The following FAM222B variants were observed in gnomAD, a reference collection of about 807,000 sequenced individuals.
The protein encoded by FAM222B is protein FAM222B.
A neutral mutation model predicts 38.0 loss-of-function variants in FAM222B; 12 were observed. The observed-to-expected ratio is 0.32, with a 90% CI of 0.20 to 0.51. The LOEUF is 0.51. FAM222B is among the 20% of genes least tolerant of loss of function. FAM222B has a pLI of 0.97. For missense variants in FAM222B, 716 were observed against 754.2 expected (o/e 0.95, Z 0.59); for synonymous variants, 329 against 317.2 (o/e 1.04, Z -0.40).
chr17:28,819,109 T>C (rs1386892168), intron 1 of FAM222B, among the ~76,000 whole-genome samples: 1 of 152,244 alleles, frequency 6.6e-6, no homozygotes, highest in African/African-American at 2.4e-5. Flanking sequence ...GGAGCTTTTC[T>C]ATGCATCTTT....
At chr17:28,849,364 G>T (rs1336510108) in intron 1 of FAM222B, 1 of 152,028 alleles carries the variant, frequency 6.6e-6, no homozygotes. Context: ...GAGTAGAGTT[G>T]TTTTTTTTAA....
chr17:28,771,379 C>T (rs2035624333), intron 1 of FAM222B, among the ~76,000 whole-genome samples: 1 of 152,104 alleles, frequency 6.6e-6, no homozygotes, highest in Admixed American at 6.6e-5. Context: ...TATTTTGCAA[C>T]ATATATAAAA....
chr17:28,835,571 T>C (rs779940314), intron 1 of FAM222B, among the ~76,000 whole-genome samples: 13 of 152,356 alleles, frequency 8.5e-5, no homozygotes, highest in South Asian at 4.1e-4. Flanking sequence ...TTGATACTTA[T>C]GTTGTTTCTA....
In FAM222B at chr17:28,758,651, G is replaced by A. The variant is rs776522492; in HGVS notation, c.1308C>T (p.Asn436=). The part of the protein sequence containing the change: ...LEKPTPSPPV[N]GMAAPLAYPN... ...GGTAGGCCAATGGGGCTGCCATGCC[G>A]TTGACTGGTGGGGATGGGGTCGGCT... Residue 436 remains asparagine (N), a synonymous_variant, in exon 3 of 3, where the codon AAC becomes AAT. Coordinates refer to ENST00000581407, the MANE Select transcript of FAM222B (RefSeq NM_001077498.3). 2.0e-5 allele frequency: 33 copies of A among 1,610,134 alleles called. No individual in the cohort carries two copies. Among genetic ancestry groups the A allele is most frequent in the East Asian group, 8.9e-5 (4 of 44,802 alleles).
intron 1 of FAM222B, among the ~76,000 whole-genome samples, chr17:28,790,061 T>C (rs2036595029): frequency 1.3e-5 from 2 of 152,344 alleles, no homozygotes; most frequent in African/African-American, 4.8e-5. Context: ...TGGGCATTTT[T>C]ATGATTAAAC....
chr17:28,826,074 T>TG (rs2038429941), intron 1 of FAM222B, among the ~76,000 whole-genome samples: 1 of 147,732 alleles, frequency 6.8e-6, no homozygotes, highest in Non-Finnish European at 1.5e-5. Context: ...AACTGTTTTT[T>TG]TTGTTGTTTT....
chr17:28,812,711 G>A (rs2037842748), intron 1 of FAM222B, among the ~76,000 whole-genome samples: 1 of 151,840 alleles, frequency 6.6e-6, no homozygotes, highest in South Asian at 2.1e-4. Flanking sequence ...TCCCGTAGCT[G>A]GGCCAGGTGA....
In FAM222B at chr17:28,759,651, G is replaced by T. The variant is rs1184778970; in HGVS notation, c.308C>A (p.Ala103Asp). 6.2e-7 allele frequency: 1 copy of T among 1,613,206 alleles called. No individual in the cohort carries two copies. Among genetic ancestry groups the T allele is most frequent in the Admixed American group, 1.7e-5 (1 of 59,870 alleles). Reference sequence around the variant, plus strand: ...GCTTTTGGCTGGCACTTTGACAATGGCAAGCAGGCCTGCCTTGGTGGCAGC... The same window carrying T: ...GCTTTTGGCTGGCACTTTGACAATGTCAAGCAGGCCTGCCTTGGTGGCAGC... ...TQAATKAGLL[A>D]IVKVPAKSIL... is the part of the protein sequence containing the mutation. The change falls in exon 3 of 3, where the codon GCC (alanine) becomes GAC (aspartate). Residue 103 changes from alanine (A) to aspartate (D), a missense_variant. Ala to Asp is a moderately radical substitution (Grantham distance 126). Coordinates refer to ENST00000581407, the MANE Select transcript of FAM222B (RefSeq NM_001077498.3). The surrounding 1 kb of genome is among the most constrained non-coding windows in gnomAD (Gnocchi z 4.8).
upstream of FAM222B, among the ~76,000 whole-genome samples, chr17:28,846,950 G>A (rs574981253): frequency 4.6e-5 from 7 of 152,130 alleles, no homozygotes; most frequent in South Asian, 6.2e-4. Flanking sequence ...AGCGCTGGGC[G>A]TGGTGGCTGA....
At chr17:28,828,095 ATTTTTTTTTTTTTTTTT>A (rs528492764) in intron 1 of FAM222B, among the ~76,000 whole-genome samples, 42 of 74,646 alleles carry the variant, frequency 5.6e-4, no homozygotes, top group African/African-American at 2.3e-3. Context: ...ATCAAATCCA[ATTTTTTTTTTTTTTTTT>A]TTTTTTTTTT....
chr17:28,808,701 T>C lies in FAM222B; in HGVS notation c.-41+33981A>G, dbSNP rs556670722. 1.2e-4 allele frequency among the ~76,000 whole-genome samples: 18 copies of C among 152,306 alleles called. 1 individual carries two copies. In the South Asian group the frequency reaches 1.2e-3, roughly 11 times the overall value. On this transcript the variant is annotated intron_variant, in intron 1 of 2. Coordinates refer to ENST00000581407, the MANE Select transcript of FAM222B (RefSeq NM_001077498.3). ...GGATTGTGCTTAAACACACAAAATATTGTCTCTGACACCTGACTGAAAAAG... is the reference window on the plus strand; with the variant it reads ...GGATTGTGCTTAAACACACAAAATACTGTCTCTGACACCTGACTGAAAAAG...
At chr17:28,822,657 C>T (rs150542279) in intron 1 of FAM222B, among the ~76,000 whole-genome samples, 5,025 of 144,718 alleles carry the variant, frequency 0.035, 110 homozygotes, top group South Asian at 0.073. Context: ...CAAAATTAGC[C>T]GGGCATGGTG....
At chr17:28,823,713 C>A (rs1336462362) in intron 1 of FAM222B, among the ~76,000 whole-genome samples, 1 of 152,100 alleles carries the variant, frequency 6.6e-6, no homozygotes, top group African/African-American at 2.4e-5. Context: ...TAGCCACAAA[C>A]CATCTGTAGA....
At chr17:28,789,200 CT>C (rs796959212) in intron 1 of FAM222B, among the ~76,000 whole-genome samples, 3,415 of 139,592 alleles carry the variant, frequency 0.024, 83 homozygotes, top group African/African-American at 0.066. Flanking sequence ...ATTCTGTGTC[CT>C]TTTTTTTTTT....
rs536532062 is a variant in FAM222B at position 28,836,510 on chromosome 17, G to A, written c.-41+6172C>T. Among the ~76,000 whole-genome samples the A allele has an allele frequency of 1.1e-4, 17 of 152,058 alleles. No homozygotes were observed. The South Asian group carries it at 2.7e-3, about 24-fold the overall frequency. On this transcript the variant is annotated intron_variant, in intron 1 of 2. Transcript: ENST00000581407. ...GGCCGGGAGCTTCGGCAAGACTCAC[G>A]TCTCCAACAACCGAGCTCCCCAAGT...
At position 28,759,818 on chromosome 17, in the gene FAM222B, C is replaced by A. The variant is rs555230704; in HGVS notation, c.141G>T (p.Ala47=). Residue 47 remains alanine, a synonymous_variant, in exon 3 of 3, where the codon GCG becomes GCT. Transcript: ENST00000581407. The surrounding 1 kb of genome is among the most constrained non-coding windows in gnomAD (Gnocchi z 4.8). ...AHYPTPAELD[A]YAKKVANNPL... ...GGTTGTTTGCGACCTTCTTAGCATA[C>A]GCATCCAATTCGGCTGGGGTAGGAT... 1 of 1,595,430 alleles carries A rather than the reference C, an allele frequency of 6.3e-7. No individual in the cohort carries two copies. Among genetic ancestry groups the A allele is most frequent in the Admixed American group, 1.8e-5 (1 of 56,472 alleles).
At chr17:28,843,137 T>TC (rs771133280), upstream of FAM222B, among the ~76,000 whole-genome samples, 2 of 149,390 alleles carry the variant, frequency 1.3e-5, no homozygotes, top group East Asian at 2.0e-4. Flanking sequence ...TAAATTTGGG[T>TC]CTTTTTTTTT....
intron 1 of FAM222B, among the ~76,000 whole-genome samples, chr17:28,771,340 C>A (rs954196648): frequency 2.6e-5 from 4 of 152,022 alleles, no homozygotes; most frequent in Admixed American, 6.6e-5. Context: ...GTTAAGTGAA[C>A]AAGAGCAAAA....
chr17:28,788,772 C>T (rs1298332969), intron 1 of FAM222B, among the ~76,000 whole-genome samples: 1 of 152,050 alleles, frequency 6.6e-6, no homozygotes, highest in Non-Finnish European at 1.5e-5. Flanking sequence ...GTCAGAGTCT[C>T]ACTCTGTCAT....
Sources: allele counts gnomAD v4.1 joint callset (sites outside exome capture counted in the v4.1 genomes callset), GRCh38; gene constraint gnomAD v4.1.1; non-coding constraint Gnocchi (gnomAD v3.1); transcripts MANE v1.5; gene names NCBI Gene and HGNC (gene_info 2026-07-23, HGNC 2026-07-21).